ZNF532: variants seen among roughly 807,000 people sequenced by gnomAD.
The protein encoded by ZNF532 is zinc finger protein 532.
Under a neutral mutation model 89.3 loss-of-function variants are expected in ZNF532, and 22 were observed. The observed-to-expected ratio is 0.25, with a 90% CI of 0.18 to 0.35. The LOEUF (loss-of-function observed/expected upper bound fraction) is 0.35. Among genes scored for constraint, ZNF532 ranks in the 10% least tolerant of loss-of-function variants. ZNF532 has a pLI of 1.00. For missense variants in ZNF532, 1,132 were observed against 1,643.4 expected (o/e 0.69, Z 5.38); for synonymous variants, 606 against 649.6 (o/e 0.93, Z 1.02).
intron 2 of ZNF532, among the ~76,000 whole-genome samples, chr18:58,890,760 C>T (rs2058838411): frequency 6.6e-6 from 1 of 151,966 alleles, no homozygotes; most frequent in South Asian, 2.1e-4. Flanking sequence ...CTTCCTCCTC[C>T]CCCACTCCAC....
chr18:58,970,918 T>C (rs2066415694), intron 7 of ZNF532, among the ~76,000 whole-genome samples: 1 of 152,232 alleles, frequency 6.6e-6, no homozygotes, highest in Non-Finnish European at 1.5e-5. Flanking sequence ...GTTAGAAAGT[T>C]AGGTAGCCTT....
chr18:58,970,222 GA>G (rs1292036070), intron 7 of ZNF532, among the ~76,000 whole-genome samples: 2 of 151,988 alleles, frequency 1.3e-5, no homozygotes, highest in Non-Finnish European at 2.9e-5. Context: ...ATTATACGGG[GA>G]AAAAAATCTT....
intron 2 of ZNF532, among the ~76,000 whole-genome samples, chr18:58,888,006 T>C (rs1187457199): frequency 1.3e-5 from 2 of 152,212 alleles, no homozygotes; most frequent in Non-Finnish European, 2.9e-5. Flanking sequence ...TTCTAACTAC[T>C]CTCCTATTCT....
At chr18:58,870,754 G>A (rs967635659) in intron 2 of ZNF532, among the ~76,000 whole-genome samples, 1 of 152,132 alleles carries the variant, frequency 6.6e-6, no homozygotes, top group African/African-American at 2.4e-5. Flanking sequence ...GCTGCTTCAG[G>A]GGCCAGGTAG....
chr18:58,920,773 TGTGTGTGTGTGTGTG>T, intron 3 of ZNF532, 140 bp downstream of exon 3: 1 of 657,208 alleles, frequency 1.5e-6, no homozygotes, highest in Non-Finnish European at 2.5e-6. Context: ...TGTGTGTGTG[TGTGTGTGTGTGTGTG>T]TGTTTGGGGA....
intron 6 of ZNF532, among the ~76,000 whole-genome samples, chr18:58,950,311 G>A (rs542362210): frequency 4.6e-5 from 7 of 152,152 alleles, no homozygotes; most frequent in Non-Finnish European, 1.0e-4. Flanking sequence ...TGGCCACAAG[G>A]AGGAAAGAAT....
chr18:58,945,483 C>T (rs2063566687), intron 5 of ZNF532, among the ~76,000 whole-genome samples: 1 of 152,180 alleles, frequency 6.6e-6, no homozygotes, highest in African/African-American at 2.4e-5. Flanking sequence ...ACACCAACAA[C>T]CTGCTCAGCC....
chr18:58,926,774 A>G (rs1213101724), intron 3 of ZNF532, among the ~76,000 whole-genome samples: 2 of 152,080 alleles, frequency 1.3e-5, no homozygotes, highest in Non-Finnish European at 2.9e-5. Context: ...TTTTTTGTGT[A>G]TCCTTTGACT....
rs1406888011 is a variant in ZNF532 at position 58,865,466 on chromosome 18, G to A, written c.-127-4G>A. ...CATACATGCTGTCTTTTTTTTCCTT[G>A]TAGGCCTGTTGACTGGGGCTGCTTT... On this transcript the variant is annotated splice_region_variant and splice_polypyrimidine_tract_variant and intron_variant, in intron 1 of 9. Coordinates refer to ENST00000591808, the MANE Select transcript of ZNF532 (RefSeq NM_001375912.1). The A allele has an allele frequency of 6.6e-6, 1 of 152,140 alleles. No homozygotes were observed. Among genetic ancestry groups the A allele is most frequent in the Non-Finnish European group, 1.5e-5 (1 of 67,952 alleles). The allele number at this position is 152,140 out of a possible 1,614,324, so 9.4% of individuals were successfully genotyped here. A position where few individuals can be genotyped will look rare whatever the true frequency, so the allele number is the denominator to read the frequency against.
intron 2 of ZNF532, among the ~76,000 whole-genome samples, chr18:58,876,957 G>C (rs2057478357): frequency 6.6e-6 from 1 of 152,124 alleles, no homozygotes; most frequent in Non-Finnish European, 1.5e-5. Flanking sequence ...CTACTTAGGA[G>C]ACTGAGGCAA....
intron 2 of ZNF532, among the ~76,000 whole-genome samples, chr18:58,914,272 A>G (rs940793214): frequency 2.6e-5 from 4 of 152,222 alleles, no homozygotes; most frequent in Non-Finnish European, 4.4e-5. Flanking sequence ...CCTTTTTTGT[A>G]AACAGGTCTG....
intron 3 of ZNF532, among the ~76,000 whole-genome samples, chr18:58,925,752 G>C (rs540012199): frequency 1.3e-5 from 2 of 152,262 alleles, no homozygotes; most frequent in African/African-American, 4.8e-5. Context: ...TTACATTTAA[G>C]TCTGTGACTC....
intron 2 of ZNF532, chr18:58,896,647 C>T (rs1022738703): frequency 6.6e-6 from 1 of 152,294 alleles, no homozygotes; most frequent in African/African-American, 2.4e-5. Context: ...CTTTTTTATT[C>T]CTCTCCCTCT....
At chr18:58,893,093 C>T (rs557981201) in intron 2 of ZNF532, among the ~76,000 whole-genome samples, 2 of 151,672 alleles carry the variant, frequency 1.3e-5, no homozygotes, top group African/African-American at 2.4e-5. Flanking sequence ...GCGATTCTGC[C>T]TCAGCCTCCC....
intron 6 of ZNF532, among the ~76,000 whole-genome samples, chr18:58,949,521 C>G (rs996028645): frequency 2.0e-5 from 3 of 152,082 alleles, no homozygotes; most frequent in African/African-American, 4.8e-5. Context: ...ACTAAAAATA[C>G]AAAAATCAGC....
chr18:58,919,425 G>T lies in ZNF532; in HGVS notation c.1138G>T (p.Val380Leu), dbSNP rs1174415259. 6.2e-7 allele frequency: 1 copy of T among 1,614,066 alleles called. No individual in the cohort carries two copies. The highest frequency in any genetic ancestry group is 8.5e-7 in the Non-Finnish European group (1 of 1,180,036). ...SGEIKRTVTR[V>L]LPEVDLDSGK... is the part of the protein sequence containing the mutation. Reference sequence around the variant, plus strand: ...GGAAATCAAGAGAACAGTGACCAGGGTATTGCCAGAAGTGGATCTTGACTC... The same window carrying T: ...GGAAATCAAGAGAACAGTGACCAGGTTATTGCCAGAAGTGGATCTTGACTC... The change falls in exon 3 of 10, where the codon GTA (valine) becomes TTA (leucine). Residue 380 changes from valine to leucine, a missense_variant. By Grantham distance (32) the Val-to-Leu change is conservative. Coordinates refer to ENST00000591808, the MANE Select transcript of ZNF532 (RefSeq NM_001375912.1). The surrounding 1 kb of genome is among the most constrained non-coding windows in gnomAD (Gnocchi z 6.1).
At chr18:58,980,446 G>C (rs548498184) in intron 8 of ZNF532, 1 of 152,206 alleles carries the variant, frequency 6.6e-6, no homozygotes. Context: ...TCGTCCTTTG[G>C]GGGTGGTGCT....
rs778545738 is a variant in ZNF532, at chr18:58,919,144, C to G, written c.857C>G (p.Ser286Cys). The G allele has an allele frequency of 2.5e-6, 4 of 1,614,118 alleles. No individual in the cohort carries two copies. The highest frequency in any genetic ancestry group is 1.6e-4 in the Middle Eastern group (1 of 6,084). ...AGCGCTAAAAAGGCGGCTTCAGACT[C>G]CTGCAAAGAACCAGTGGCCAATTCG... ...ALSAKKAASD[S>C]CKEPVANSRE... Residue 286 changes from serine (S) to cysteine (C), a missense_variant, in exon 3 of 10, where the codon TCC becomes TGC. Around this residue, in one of 9 missense-constraint regions of ZNF532, gnomAD observed 302 missense variants for 319.8 expected, o/e 0.94. Coordinates refer to ENST00000591808, the MANE Select transcript of ZNF532 (RefSeq NM_001375912.1). The surrounding 1 kb of genome is among the most constrained non-coding windows in gnomAD (Gnocchi z 6.1).
Position 58,894,887 on chromosome 18 carries a change from G to A in ZNF532, c.-17-23384G>A, listed in dbSNP as rs2059147381. Among the ~76,000 whole-genome samples the A allele has an allele frequency of 1.3e-5, 2 of 152,198 alleles. 1 individual carries two copies. The highest frequency in any genetic ancestry group is 4.1e-4 in the South Asian group (2 of 4,828). ...GGTGGCCTGTAGTCCCAGCACATGGGAGGCTAAGGCAGGAGGATCATGTGA... is the reference window on the plus strand; with the variant it reads ...GGTGGCCTGTAGTCCCAGCACATGGAAGGCTAAGGCAGGAGGATCATGTGA... On this transcript the variant is annotated intron_variant, in intron 2 of 9. Coordinates refer to ENST00000591808, the MANE Select transcript of ZNF532 (RefSeq NM_001375912.1).
Sources: gnomAD v4.1 joint callset for allele counts (sites outside exome capture counted in the v4.1 genomes callset) on GRCh38, gnomAD v4.1.1 for gene constraint, gnomAD v4.1.1 regional missense constraint, Gnocchi (gnomAD v3.1) non-coding constraint, MANE v1.5 for transcripts, NCBI Gene and HGNC (gene_info 2026-07-23, HGNC 2026-07-21) for gene names.